The following CDH10 variants were observed in gnomAD, a reference collection of about 807,000 sequenced individuals.
The protein encoded by CDH10 is cadherin-10.
Under a neutral mutation model 73.1 loss-of-function variants are expected in CDH10, and 30 were observed. That is an observed-to-expected ratio of 0.41 (90% CI 0.31 to 0.56). CDH10 has a LOEUF of 0.56. Ranked by LOEUF, CDH10 falls within the 20% of genes least tolerant of loss-of-function variation. CDH10 has a pLI of 0.27. For missense variants in CDH10, 815 were observed against 973.7 expected, an observed-to-expected ratio of 0.84 and a Z score of 2.17; for synonymous variants, 345 against 348.2, an observed-to-expected ratio of 0.99 and a Z score of 0.10.
chr5:24,579,849 G>A (rs74337646), intron 2 of CDH10, among the ~76,000 whole-genome samples: 57,731 of 151,316 alleles, frequency 0.38, 13,315 homozygotes, highest in East Asian at 0.53. Context: ...ACATTTTTTT[G>A]CATATTATCT....
intron 1 of CDH10, among the ~76,000 whole-genome samples, chr5:24,637,750 T>C (rs1747912686): frequency 6.6e-6 from 1 of 151,804 alleles, no homozygotes; most frequent in Admixed American, 6.6e-5. Context: ...TAGCCTAAAA[T>C]CAAAAGAGAG....
At chr5:24,604,787 C>T (rs1352538446) in intron 1 of CDH10, among the ~76,000 whole-genome samples, 2 of 147,184 alleles carry the variant, frequency 1.4e-5, no homozygotes, top group Non-Finnish European at 3.0e-5. Flanking sequence ...GCAGAAGAAT[C>T]GTTTGAAGCC....
chr5:24,560,154 T>C (rs1744904299), intron 2 of CDH10, among the ~76,000 whole-genome samples: 1 of 152,028 alleles, frequency 6.6e-6, no homozygotes, highest in South Asian at 2.1e-4. Flanking sequence ...ATTCTCCAGA[T>C]TAAGTTTAAA....
intron 8 of CDH10, 81 bp downstream of exon 8, chr5:24,505,031 C>A (rs1742654760): frequency 1.9e-5 from 18 of 962,696 alleles, no homozygotes; most frequent in South Asian, 8.3e-5. Flanking sequence ...AAAATAAAAC[C>A]TATAAAATAT....
intron 2 of CDH10, among the ~76,000 whole-genome samples, chr5:24,558,109 T>A (rs1744827578): frequency 6.6e-6 from 1 of 151,792 alleles, no homozygotes; most frequent in African/African-American, 2.4e-5. Context: ...TGTAGAATAA[T>A]AAGTACAAGG....
chr5:24,543,035 A>G (rs1160095492), intron 2 of CDH10, among the ~76,000 whole-genome samples: 1 of 152,208 alleles, frequency 6.6e-6, no homozygotes, highest in African/African-American at 2.4e-5. Flanking sequence ...ATGAAGAAAT[A>G]TTACCAAAAA....
At chr5:24,498,339 A>AG (rs1742366141) in intron 9 of CDH10, 59 bp downstream of exon 9, 9 of 1,184,392 alleles carry the variant, frequency 7.6e-6, no homozygotes, top group Non-Finnish European at 1.1e-5. Flanking sequence ...GATTTTGAAA[A>AG]GAAAATATTT....
intron 2 of CDH10, among the ~76,000 whole-genome samples, chr5:24,579,813 G>T (rs1745729177): frequency 6.6e-6 from 1 of 151,112 alleles, no homozygotes; most frequent in African/African-American, 2.4e-5. Context: ...CCTGAAAATG[G>T]ACCTAGTTCT....
chr5:24,489,729 A>G (rs547223524), intron 11 of CDH10, among the ~76,000 whole-genome samples: 1 of 152,274 alleles, frequency 6.6e-6, no homozygotes, highest in Non-Finnish European at 1.5e-5. Context: ...TTTTAATTCA[A>G]AAGCAGTTAA....
At chr5:24,550,410 T>C (rs948289831) in intron 2 of CDH10, among the ~76,000 whole-genome samples, 2 of 152,044 alleles carry the variant, frequency 1.3e-5, no homozygotes, top group African/African-American at 4.8e-5. Flanking sequence ...TCCACCACAA[T>C]GGAATGTAAA....
intron 1 of CDH10, among the ~76,000 whole-genome samples, chr5:24,602,090 G>T (rs17520738): frequency 0.053 from 8,131 of 152,180 alleles, 269 homozygotes; most frequent in Middle Eastern, 0.12. Flanking sequence ...GAAAGTACTA[G>T]AGTTCATAAG....
chr5:24,571,808 T>C, intron 2 of CDH10, among the ~76,000 whole-genome samples: 1 of 152,108 alleles, frequency 6.6e-6, no homozygotes, highest in Non-Finnish European at 1.5e-5. Flanking sequence ...ATTTCTGTGG[T>C]ATAAATACTG....
intron 6 of CDH10, among the ~76,000 whole-genome samples, chr5:24,510,342 G>A (rs1323852183): frequency 1.3e-5 from 2 of 152,128 alleles, no homozygotes; most frequent in Non-Finnish European, 2.9e-5. Context: ...AAAACCCTCT[G>A]TAATAAGAAA....
At chr5:24,513,033 T>C (rs1044288209) in intron 5 of CDH10, among the ~76,000 whole-genome samples, 2 of 144,038 alleles carry the variant, frequency 1.4e-5, no homozygotes, top group Non-Finnish European at 3.1e-5. Flanking sequence ...TTCTTTTCTT[T>C]TTTTTTCTTG....
intron 2 of CDH10, among the ~76,000 whole-genome samples, chr5:24,547,618 G>GGCTGAAAGCT (rs1744390843): frequency 1.3e-5 from 2 of 152,166 alleles, no homozygotes; most frequent in African/African-American, 4.8e-5. Flanking sequence ...TAAAGGGCAA[G>GGCTGAAAGCT]GCTGAAAGCT....
At chr5:24,613,522 GAAA>G (rs34515702) in intron 1 of CDH10, among the ~76,000 whole-genome samples, 1 of 122,850 alleles carries the variant, frequency 8.1e-6, no homozygotes, top group Admixed American at 9.0e-5. Flanking sequence ...TCTTTGCTGG[GAAA>G]AAAAAAAAAA....
intron 5 of CDH10, among the ~76,000 whole-genome samples, chr5:24,524,385 G>A (rs775343511): frequency 2.0e-5 from 3 of 152,070 alleles, no homozygotes; most frequent in Non-Finnish European, 4.4e-5. Flanking sequence ...CGGGCAAGCA[G>A]TAGGCAGGGA....
intron 1 of CDH10, among the ~76,000 whole-genome samples, chr5:24,599,208 G>A (rs1746476805): frequency 6.6e-6 from 1 of 152,098 alleles, no homozygotes; most frequent in South Asian, 2.1e-4. Context: ...TTCATTATGT[G>A]GAGAATGGTA....
chr5:24,509,700 A>G lies in CDH10; in HGVS notation c.1122T>C (p.Ser374=). ...PFKDTTIVKI[S]IEDVDEPPVF... is the part of the protein sequence containing the mutation. ...CAGGAGGTTCATCCACATCTTCTAT[A>G]GAGATTTTCACTATGGTAGTATCTT... The change falls in exon 7 of 12, where the codon TCT becomes TCC. Residue 374 remains serine, a synonymous_variant. Transcript: ENST00000264463. 1 of 1,613,354 alleles carries G rather than the reference A, an allele frequency of 6.2e-7. No individual in the cohort carries two copies. Among genetic ancestry groups the G allele is most frequent in the South Asian group, 1.1e-5 (1 of 91,062 alleles).
Sources: allele counts gnomAD v4.1 joint callset (sites outside exome capture counted in the v4.1 genomes callset), GRCh38; gene constraint gnomAD v4.1.1; transcripts MANE v1.5; gene names NCBI Gene and HGNC (gene_info 2026-07-23, HGNC 2026-07-21).